Variants in B3GAT2 observed in about 807,000 individuals in gnomAD.
The protein encoded by B3GAT2 is beta-1,3-glucuronyltransferase 2, also known as galactosylgalactosylxylosylprotein 3-beta-glucuronosyltransferase 2.
In B3GAT2, 26 loss-of-function variants were observed where a neutral mutation model predicts 27.8. The observed-to-expected ratio is 0.93, with a 90% CI of 0.68 to 1.30. The LOEUF is 1.30. Ranked by LOEUF, B3GAT2 falls within the 50% of genes most tolerant of loss-of-function variation. The probability of loss-of-function intolerance (pLI) is 0.00; values close to 1 mark genes in which losing one functional copy is unlikely to be tolerated. For missense variants in B3GAT2, 458 were observed against 459.0 expected (o/e 1.00, Z 0.02); for synonymous variants, 218 against 195.1 (o/e 1.12, Z -0.98).
At chr6:70,899,921 A>G (rs4707861) in intron 1 of B3GAT2, among the ~76,000 whole-genome samples, 1,880 of 152,358 alleles carry the variant, frequency 0.012, 77 homozygotes, top group Admixed American at 0.081. Flanking sequence ...AAGCTTTGCT[A>G]CTTTCTCAAC....
intron 1 of B3GAT2, among the ~76,000 whole-genome samples, chr6:70,946,944 A>G (rs1437379797): frequency 1.3e-5 from 2 of 152,232 alleles, no homozygotes; most frequent in African/African-American, 4.8e-5. Flanking sequence ...AAACTGCACA[A>G]CTGCATGGAA....
intron 1 of B3GAT2, among the ~76,000 whole-genome samples, chr6:70,902,826 G>A (rs997281103): frequency 6.6e-6 from 1 of 151,880 alleles, no homozygotes; most frequent in African/African-American, 2.4e-5. Flanking sequence ...CTGATAAATG[G>A]AATCTTAAAA....
chr6:70,865,341 C>T (rs926482408), intron 2 of B3GAT2, among the ~76,000 whole-genome samples: 1 of 152,170 alleles, frequency 6.6e-6, no homozygotes, highest in Non-Finnish European at 1.5e-5. Context: ...TGGTCTTGAA[C>T]TCCTGACTTC....
Position 70,894,016 on chromosome 6 carries a change from T to C in B3GAT2, c.736+112A>G, listed in dbSNP as rs572328522. On this transcript the variant is annotated intron_variant, in intron 2 of 3. Coordinates refer to ENST00000230053, the MANE Select transcript of B3GAT2 (RefSeq NM_080742.3). ...TTCATCTCCTGAATATGATATGATGTAGGGTTTTATCCAAATTTGTCTTTT... is the reference window on the plus strand; with the variant it reads ...TTCATCTCCTGAATATGATATGATGCAGGGTTTTATCCAAATTTGTCTTTT... 4.2e-6 allele frequency: 5 copies of C among 1,190,796 alleles called. No homozygotes were observed. In the South Asian group the frequency reaches 7.0e-5, roughly 17 times the overall value. 73.8% of individuals were successfully genotyped at this position (1,190,796 alleles called of 1,614,324 possible).
intron 1 of B3GAT2, among the ~76,000 whole-genome samples, chr6:70,898,115 T>A (rs1344853079): frequency 6.6e-6 from 1 of 152,208 alleles, no homozygotes; most frequent in Non-Finnish European, 1.5e-5. Flanking sequence ...TATTTCCACA[T>A]GAATTTCAGA....
intron 2 of B3GAT2, among the ~76,000 whole-genome samples, chr6:70,882,849 C>T (rs1772120419): frequency 6.6e-6 from 1 of 152,182 alleles, no homozygotes; most frequent in Admixed American, 6.5e-5. Context: ...TGACCTTGGA[C>T]CTCCAGCCTC....
intron 1 of B3GAT2, among the ~76,000 whole-genome samples, chr6:70,940,247 T>G (rs1278299105): frequency 1.3e-5 from 2 of 152,140 alleles, no homozygotes; most frequent in African/African-American, 4.8e-5. Context: ...TTTTTATTAA[T>G]GAAAACTTAA....
At chr6:70,954,917 G>GT (rs1554218596) in intron 1 of B3GAT2, among the ~76,000 whole-genome samples, 1 of 151,394 alleles carries the variant, frequency 6.6e-6, no homozygotes, top group East Asian at 1.9e-4. Flanking sequence ...GGGGGCGGCG[G>GT]GGGGGGGCGG....
chr6:70,940,478 C>T (rs1772224271), intron 1 of B3GAT2, among the ~76,000 whole-genome samples: 1 of 151,998 alleles, frequency 6.6e-6, no homozygotes, highest in Non-Finnish European at 1.5e-5. Context: ...AATACTGCTT[C>T]TAATCATGTG....
intron 1 of B3GAT2, among the ~76,000 whole-genome samples, chr6:70,944,823 C>T (rs947549932): frequency 6.6e-6 from 1 of 152,192 alleles, no homozygotes; most frequent in Non-Finnish European, 1.5e-5. Flanking sequence ...AGGCACCCCC[C>T]AGTAGGGGCA....
chr6:70,954,831 A>C (rs549683876), intron 1 of B3GAT2, among the ~76,000 whole-genome samples: 12 of 144,144 alleles, frequency 8.3e-5, no homozygotes, highest in Non-Finnish European at 1.7e-4. Flanking sequence ...ACTCAGTCTC[A>C]TTTGCAGGCT....
At chr6:70,862,191 G>T (rs928688209) in intron 2 of B3GAT2, among the ~76,000 whole-genome samples, 2 of 152,100 alleles carry the variant, frequency 1.3e-5, no homozygotes, top group African/African-American at 2.4e-5. Flanking sequence ...AAATAAAGGC[G>T]TGCACAGGAG....
chr6:70,950,202 A>C (rs2150053020), intron 1 of B3GAT2, among the ~76,000 whole-genome samples: 1 of 152,040 alleles, frequency 6.6e-6, no homozygotes, highest in East Asian at 1.9e-4. Context: ...CTTAAAGTAT[A>C]ATAATAATAA....
intron 1 of B3GAT2, among the ~76,000 whole-genome samples, chr6:70,912,653 G>T (rs1772706960): frequency 2.3e-5 from 1 of 43,648 alleles, no homozygotes; most frequent in Admixed American, 3.5e-4. Context: ...TCAGGATGAT[G>T]CTGGCCTTAT....
chr6:70,932,594 G>A (rs1052105182), intron 1 of B3GAT2, among the ~76,000 whole-genome samples: 7 of 152,054 alleles, frequency 4.6e-5, no homozygotes, highest in Non-Finnish European at 1.5e-5. Context: ...TCCGATTCAT[G>A]GAAAAGAGAT....
Position 70,859,961 on chromosome 6 carries a change from T to C in B3GAT2, c.*1702A>G. On this transcript the variant is annotated 3_prime_UTR_variant, in exon 4 of 4. Transcript: ENST00000230053. ...ACTCATTAAAATCCCAAGATTGCTT[T>C]GGTATTTTTTTTTAAGTAAGTTGTG... 1 of 385,178 alleles carries C rather than the reference T, an allele frequency of 2.6e-6. No individual in the cohort carries two copies. Among genetic ancestry groups the C allele is most frequent in the Non-Finnish European group, 4.6e-6 (1 of 219,260 alleles). 23.9% of individuals were successfully genotyped at this position (385,178 alleles called of 1,614,324 possible).
chr6:70,922,317 T>G (rs1772883119), intron 1 of B3GAT2, among the ~76,000 whole-genome samples: 2 of 152,356 alleles, frequency 1.3e-5, no homozygotes, highest in Non-Finnish European at 2.9e-5. Context: ...GAAATATCTG[T>G]AGGAATATAG....
At chr6:70,931,457 T>C (rs1452329984) in intron 1 of B3GAT2, among the ~76,000 whole-genome samples, 3 of 152,162 alleles carry the variant, frequency 2.0e-5, no homozygotes, top group Non-Finnish European at 4.4e-5. Context: ...CTTTCTCTAT[T>C]GCAATTCCCA....
At chr6:70,925,816 C>T (rs1281819778) in intron 1 of B3GAT2, among the ~76,000 whole-genome samples, 1 of 152,186 alleles carries the variant, frequency 6.6e-6, no homozygotes, top group Non-Finnish European at 1.5e-5. Flanking sequence ...AGCACAGAGT[C>T]TGAGATCTGG....
Sources: allele counts gnomAD v4.1 joint callset (sites outside exome capture counted in the v4.1 genomes callset), GRCh38; gene constraint gnomAD v4.1.1; transcripts MANE v1.5; gene names NCBI Gene and HGNC (gene_info 2026-07-23, HGNC 2026-07-21).